UBR1: variants seen among roughly 807,000 people sequenced by gnomAD.
UBR1 encodes ubiquitin protein ligase E3 component n-recognin 1.
A neutral mutation model predicts 242.1 loss-of-function variants in UBR1; 102 were observed. The observed-to-expected ratio is 0.42, with a 90% CI of 0.36 to 0.50. The LOEUF is 0.50. UBR1 is among the 20% of genes least tolerant of loss of function. The pLI is 0.01. For missense variants in UBR1, 1,772 were observed against 2,101.8 expected, an observed-to-expected ratio of 0.84 and a Z score of 3.07; for synonymous variants, 675 against 684.8, an observed-to-expected ratio of 0.99 and a Z score of 0.22.
At chr15:43,088,893 G>C (rs533870749) in intron 1 of UBR1, among the ~76,000 whole-genome samples, 1 of 152,160 alleles carries the variant, frequency 6.6e-6, no homozygotes, top group Non-Finnish European at 1.5e-5. Context: ...TGCACATGGT[G>C]GCTCATGCCT....
At chr15:43,001,612 A>G (rs1014112730) in intron 32 of UBR1, among the ~76,000 whole-genome samples, 10 of 152,254 alleles carry the variant, frequency 6.6e-5, no homozygotes, top group Non-Finnish European at 1.3e-4. Flanking sequence ...TAAATATTAT[A>G]CTACTGTTAT....
At chr15:42,970,745 A>G (rs1359198863) in intron 39 of UBR1, 138 bp from the exon 40 acceptor site, 24 of 797,648 alleles carry the variant, frequency 3.0e-5, no homozygotes, top group Non-Finnish European at 2.0e-6. Flanking sequence ...TTTTTGAGAC[A>G]GAGTTTCGCT....
Position 42,944,051 on chromosome 15 carries a change from T to C in UBR1, c.*1278A>G, listed in dbSNP as rs566527950. Reference sequence around the variant, plus strand: ...AGGTAGGAAAACATTTACACACATATGTGAGACACTAATAGCCAAGGGCAA... The same window carrying C: ...AGGTAGGAAAACATTTACACACATACGTGAGACACTAATAGCCAAGGGCAA... On this transcript the variant is annotated 3_prime_UTR_variant, in exon 47 of 47. Coordinates refer to ENST00000290650, the MANE Select transcript of UBR1 (RefSeq NM_174916.3). 2.6e-5 allele frequency: 4 copies of C among 152,382 alleles called. No individual in the cohort carries two copies. The highest frequency in any genetic ancestry group is 9.6e-5 in the African/African-American group (4 of 41,592). 9.4% of individuals were successfully genotyped at this position (152,382 alleles called of 1,614,324 possible).
At chr15:43,080,587 C>A (rs2033964197) in intron 3 of UBR1, among the ~76,000 whole-genome samples, 1 of 152,170 alleles carries the variant, frequency 6.6e-6, no homozygotes, top group African/African-American at 2.4e-5. Context: ...GTATGTACCA[C>A]AGTTTTTCCA....
At chr15:43,081,366 G>A (rs943473764) in intron 3 of UBR1, among the ~76,000 whole-genome samples, 3 of 141,330 alleles carry the variant, frequency 2.1e-5, no homozygotes, top group Non-Finnish European at 4.5e-5. Context: ...GTGGTGAGCC[G>A]AGATCGCACC....
chr15:42,963,828 C>T, intron 42 of UBR1, 107 bp downstream of exon 42: 1 of 847,818 alleles, frequency 1.2e-6, no homozygotes. Context: ...ATACTTTTGC[C>T]ACCCCTTTAA....
chr15:43,017,103 T>G lies in UBR1; in HGVS notation c.3019A>C (p.Asn1007His). ...TTATTACAGTGTCATACCTCATCAT[T>G]CTTAATAGATTCCGATCCTGATGTG... The part of the protein sequence containing the change: ...ATTSGSESIK[N>H]DEITHDKEKA... The change falls in exon 28 of 47, where the codon AAT becomes CAT. Residue 1007 changes from asparagine to histidine, a missense_variant. By Grantham distance (68) the Asn-to-His change is moderately conservative. Coordinates refer to ENST00000290650, the MANE Select transcript of UBR1 (RefSeq NM_174916.3). 1 of 1,612,426 alleles carries G rather than the reference T, an allele frequency of 6.2e-7. No individual in the cohort carries two copies.
intron 2 of UBR1, among the ~76,000 whole-genome samples, chr15:43,084,424 A>G (rs988428678): frequency 2.0e-5 from 3 of 152,220 alleles, no homozygotes; most frequent in African/African-American, 7.2e-5. Flanking sequence ...TTACTATACT[A>G]TATAGCAACA....
intron 5 of UBR1, among the ~76,000 whole-genome samples, chr15:43,069,908 A>G (rs2033803227): frequency 6.6e-6 from 1 of 152,230 alleles, no homozygotes; most frequent in African/African-American, 2.4e-5. Flanking sequence ...AAATTAACAT[A>G]TTTGTGGATG....
intron 29 of UBR1, among the ~76,000 whole-genome samples, chr15:43,014,039 G>A (rs924037130): frequency 4.6e-5 from 7 of 152,230 alleles, no homozygotes; most frequent in Non-Finnish European, 1.0e-4. Context: ...ACGCTGCCAC[G>A]CCTGACTGGT....
intron 27 of UBR1, among the ~76,000 whole-genome samples, chr15:43,019,903 C>T (rs143671715): frequency 1.8e-4 from 27 of 151,458 alleles, no homozygotes; most frequent in African/African-American, 6.5e-4. Context: ...CGTGCCTGGC[C>T]GGTTTTATGT....
rs1471480024 is a variant in UBR1, at chr15:43,047,320, A to G, written c.1540-31T>C. On this transcript the variant is annotated intron_variant, in intron 13 of 46. Coordinates refer to ENST00000290650, the MANE Select transcript of UBR1 (RefSeq NM_174916.3). ...ATTACAAGTTGGTCAACATACACCT[A>G]TCTGAGCCCTCTCTCTTTGCTCTGC... The G allele has an allele frequency of 3.1e-6, 5 of 1,613,806 alleles. No homozygotes were observed. The African/African-American group carries it at 4.0e-5, about 13-fold the overall frequency.
Position 43,017,194 on chromosome 15 carries a change from G to A in UBR1, c.2941-13C>T. Reference sequence around the variant, plus strand: ...CTGTGTCAAACATCTGTGAAAAACAGATGAAACGTTAAAAGAGTTAGTTAG... The same window carrying A: ...CTGTGTCAAACATCTGTGAAAAACAAATGAAACGTTAAAAGAGTTAGTTAG... On this transcript the variant is annotated splice_polypyrimidine_tract_variant and intron_variant, in intron 27 of 46. Coordinates refer to ENST00000290650, the MANE Select transcript of UBR1 (RefSeq NM_174916.3). 2 of 1,597,290 alleles carry A rather than the reference G, an allele frequency of 1.3e-6. No individual in the cohort carries two copies. The highest frequency in any genetic ancestry group is 1.7e-6 in the Non-Finnish European group (2 of 1,167,164).
chr15:42,988,786 A>C (rs1384220373), intron 35 of UBR1, 33 bp downstream of exon 35: 1 of 1,614,038 alleles, frequency 6.2e-7, no homozygotes, highest in Non-Finnish European at 8.5e-7. Context: ...ATTCTCACTG[A>C]AACCTCCAAA....
rs1359060165 is a variant in UBR1 at position 43,056,451 on chromosome 15, T to G, written c.1183-9A>C. On this transcript the variant is annotated splice_polypyrimidine_tract_variant and intron_variant, in intron 10 of 46. Transcript: ENST00000290650. ...TGCAGTTGTTTATAATACTGAAATA[T>G]ATAAGTAGAGAATCAATTATAAATC... 2 of 1,558,732 alleles carry G rather than the reference T, an allele frequency of 1.3e-6. No homozygotes were observed. The highest frequency in any genetic ancestry group is 2.7e-5 in the African/African-American group (2 of 73,832).
In UBR1 at chr15:43,056,407, A is replaced by G. The variant is rs137864901; in HGVS notation, c.1218T>C (p.Asp406=). Residue 406 remains aspartate, a synonymous_variant, in exon 11 of 47, where the codon GAT becomes GAC. Transcript: ENST00000290650. The part of the protein sequence containing the change: ...YKQLQKEYIS[D]DHDRSISITA... ...TTATAGAGATACTTCTGTCATGATCATCACTGATATATTCTTTCTGCAGTT... is the reference window on the plus strand; with the variant it reads ...TTATAGAGATACTTCTGTCATGATCGTCACTGATATATTCTTTCTGCAGTT... 34 of 1,612,142 alleles carry G rather than the reference A, an allele frequency of 2.1e-5. No homozygotes were observed. The highest frequency in any genetic ancestry group is 2.6e-5 in the Non-Finnish European group (31 of 1,178,418).
intron 42 of UBR1, among the ~76,000 whole-genome samples, chr15:42,962,835 G>T (rs922012568): frequency 6.6e-6 from 1 of 152,092 alleles, no homozygotes; most frequent in Non-Finnish European, 1.5e-5. Context: ...TCTTGCCAGT[G>T]CTTCCCCTCC....
At chr15:43,088,142 T>G (rs1455452943) in intron 1 of UBR1, among the ~76,000 whole-genome samples, 1 of 152,248 alleles carries the variant, frequency 6.6e-6, no homozygotes, top group Non-Finnish European at 1.5e-5. Context: ...TAAAAACTTT[T>G]TCAATCCTAT....
At chr15:42,975,059 C>T (rs892410678) in intron 39 of UBR1, among the ~76,000 whole-genome samples, 2 of 152,076 alleles carry the variant, frequency 1.3e-5, no homozygotes, top group African/African-American at 4.8e-5. Flanking sequence ...ACCACGCTGG[C>T]TAATTATTGT....
Sources: allele counts gnomAD v4.1 joint callset (sites outside exome capture counted in the v4.1 genomes callset), GRCh38; gene constraint gnomAD v4.1.1; transcripts MANE v1.5; gene names NCBI Gene and HGNC (gene_info 2026-07-23, HGNC 2026-07-21).